Variants in CDK12 observed in about 807,000 individuals in gnomAD.
The protein encoded by CDK12 is cyclin dependent kinase 12.
Under a neutral mutation model 133.8 loss-of-function variants are expected in CDK12, and 17 were observed. The observed-to-expected ratio is 0.13, with a 90% CI of 0.09 to 0.19. CDK12 has a LOEUF of 0.19. Among genes scored for constraint, CDK12 ranks in the 10% least tolerant of loss-of-function variants. The probability of loss-of-function intolerance (pLI) is 1.00; values close to 1 mark genes in which losing one functional copy is unlikely to be tolerated. For synonymous variants in CDK12, 694 were observed against 683.6 expected (o/e 1.02, Z -0.24); for missense variants, 1,508 against 1,818.7 (o/e 0.83, Z 3.11).
At chr17:39,497,663 C>T (rs2052233617) in intron 5 of CDK12, among the ~76,000 whole-genome samples, 1 of 151,346 alleles carries the variant, frequency 6.6e-6, no homozygotes, top group Non-Finnish European at 1.5e-5. Context: ...TGGAGTACAA[C>T]GGTGGTCATA....
At position 39,462,693 on chromosome 17, in the gene CDK12, A is replaced by G. The variant is rs140590436; in HGVS notation, c.622A>G (p.Lys208Glu). 27 of 1,614,238 alleles carry G rather than the reference A, an allele frequency of 1.7e-5. No individual in the cohort carries two copies. Among genetic ancestry groups the G allele is most frequent in the South Asian group, 6.6e-5 (6 of 91,090 alleles). The change falls in exon 1 of 14, where the codon AAA (lysine) becomes GAA (glutamate). Residue 208 changes from lysine to glutamate, a missense_variant. Physicochemically the swap from Lys to Glu is moderately conservative, Grantham distance 56 (BLOSUM62 1). Around this residue, in one of 9 missense-constraint regions of CDK12, gnomAD observed 460 missense variants for 490.8 expected, o/e 0.94. Transcript: ENST00000447079. The stretch of plus-strand genomic sequence containing the variant: ...AAGTCATCGAAAAAGGGAAACACCC[A>G]AAAGTTACAAAACAGTGGACAGCCC... Reference protein sequence around the residue: ...SKSHRKRETPKSYKTVDSPKR... With the variant: ...SKSHRKRETPESYKTVDSPKR...
chr17:39,527,006 A>G (rs1473589302), intron 13 of CDK12, among the ~76,000 whole-genome samples: 2 of 152,220 alleles, frequency 1.3e-5, no homozygotes, highest in South Asian at 2.1e-4. Flanking sequence ...ATAGCGTGCA[A>G]TTTATTAGAG....
chr17:39,504,649 TG>T (rs900598302), intron 6 of CDK12, among the ~76,000 whole-genome samples: 1 of 151,086 alleles, frequency 6.6e-6, no homozygotes, highest in Non-Finnish European at 1.5e-5. Flanking sequence ...GAGGCTGAAG[TG>T]GGCAGGTCAC....
chr17:39,467,490 A>G lies in CDK12; in HGVS notation c.1047-3389A>G, dbSNP rs114548019. ...GTTGTCTACTCCTCCGCTTTTTTCT[A>G]GAAGAGTGAACCTGGAACTTAAATG... On this transcript the variant is annotated intron_variant, in intron 1 of 13. Coordinates refer to ENST00000447079, the MANE Select transcript of CDK12 (RefSeq NM_016507.4). Among the ~76,000 whole-genome samples, 636 of 152,286 alleles carry G rather than the reference A, an allele frequency of 4.2e-3. 7 individuals are homozygous for G. Among genetic ancestry groups the G allele is most frequent in the African/African-American group, 0.014 (585 of 41,564 alleles).
In CDK12 at chr17:39,533,256, G is replaced by A. The variant is rs1386763246; in HGVS notation, c.*1940G>A. 1 of 232,926 alleles carries A rather than the reference G, an allele frequency of 4.3e-6. No homozygotes were observed. Among genetic ancestry groups the A allele is most frequent in the African/African-American group, 2.2e-5 (1 of 45,326 alleles). The allele number at this position is 232,926 out of a possible 1,614,324, so 14.4% of individuals were successfully genotyped here. A position where few individuals can be genotyped will look rare whatever the true frequency, so the allele number is the denominator to read the frequency against. On this transcript the variant is annotated 3_prime_UTR_variant, in exon 14 of 14. Coordinates refer to ENST00000447079, the MANE Select transcript of CDK12 (RefSeq NM_016507.4). ...ACTGATTTAGAAAGAGAGCCTTCTAGCTATTTTGGCATTGATGGCTTTTTA... is the reference window on the plus strand; with the variant it reads ...ACTGATTTAGAAAGAGAGCCTTCTAACTATTTTGGCATTGATGGCTTTTTA...
At chr17:39,491,669 A>G (rs1162588045) in intron 3 of CDK12, among the ~76,000 whole-genome samples, 1 of 147,948 alleles carries the variant, frequency 6.8e-6, no homozygotes, top group African/African-American at 2.5e-5. Context: ...CTGTAGCCCT[A>G]TGTCTTAGCC....
intron 3 of CDK12, among the ~76,000 whole-genome samples, chr17:39,492,033 A>G (rs1404148081): frequency 6.8e-6 from 1 of 148,018 alleles, no homozygotes; most frequent in South Asian, 2.1e-4. Flanking sequence ...AAAAAAAAAG[A>G]TACAGGAGTT....
intron 1 of CDK12, among the ~76,000 whole-genome samples, chr17:39,541,385 T>G (rs1339536351): frequency 8.4e-6 from 1 of 119,706 alleles, no homozygotes; most frequent in African/African-American, 3.2e-5. Flanking sequence ...TTTTTTTTTT[T>G]GAGACAGAGT....
chr17:39,492,644 C>T (rs1206516473), intron 3 of CDK12, 107 bp from the exon 4 acceptor site: 6 of 714,662 alleles, frequency 8.4e-6, no homozygotes, highest in Admixed American at 2.8e-5. Flanking sequence ...CTCCTGACCT[C>T]GTGATCTGCC....
intron 6 of CDK12, among the ~76,000 whole-genome samples, chr17:39,506,814 A>G (rs1191227530): frequency 6.6e-6 from 1 of 152,188 alleles, no homozygotes; most frequent in Non-Finnish European, 1.5e-5. Flanking sequence ...ATATTTCTAT[A>G]TTCACCTTAT....
At chr17:39,494,230 C>T (rs9898750) in intron 4 of CDK12, among the ~76,000 whole-genome samples, 3,901 of 152,076 alleles carry the variant, frequency 0.026, 158 homozygotes, top group African/African-American at 0.087. Flanking sequence ...TCCACCACCA[C>T]GCCCAGCTAA....
At chr17:39,515,680 A>T in intron 8 of CDK12, 51 bp from the exon 9 acceptor site, 2 of 1,278,370 alleles carry the variant, frequency 1.6e-6, no homozygotes, top group Non-Finnish European at 2.3e-6. Flanking sequence ...GAGACACTTT[A>T]AATAGGCTCT....
At chr17:39,535,778 G>A (rs1302295870), downstream of CDK12, among the ~76,000 whole-genome samples, 1 of 152,170 alleles carries the variant, frequency 6.6e-6, no homozygotes, top group African/African-American at 2.4e-5. Flanking sequence ...TCTTGGTGCT[G>A]ATCTTGGGAT....
intron 1 of CDK12, among the ~76,000 whole-genome samples, chr17:39,541,744 G>A (rs1158855215): frequency 5.3e-5 from 8 of 152,202 alleles, no homozygotes; most frequent in Non-Finnish European, 1.2e-4. Flanking sequence ...ATCTATAGGG[G>A]AGTTTCTCTG....
intron 2 of CDK12, among the ~76,000 whole-genome samples, chr17:39,478,659 T>G (rs1025951552): frequency 1.3e-5 from 2 of 152,128 alleles, no homozygotes; most frequent in African/African-American, 2.4e-5. Context: ...AGCCAGACCC[T>G]GTTTCTACCA....
At chr17:39,484,511 A>G (rs1184926700) in intron 2 of CDK12, among the ~76,000 whole-genome samples, 1 of 152,166 alleles carries the variant, frequency 6.6e-6, no homozygotes, top group Admixed American at 6.6e-5. Context: ...AATGTTAAGC[A>G]TTGTAGTTTT....
intron 2 of CDK12, among the ~76,000 whole-genome samples, chr17:39,554,804 G>T (rs919082485): frequency 2.0e-5 from 3 of 151,726 alleles, no homozygotes; most frequent in Non-Finnish European, 4.4e-5. Flanking sequence ...GCTTGAGCCC[G>T]GGAGGCAGAG....
intron 9 of CDK12, 96 bp downstream of exon 9, chr17:39,515,904 TTTC>T (rs1398945326): frequency 1.3e-6 from 1 of 760,988 alleles, no homozygotes; most frequent in Non-Finnish European, 2.2e-6. Flanking sequence ...TGAGTTTATG[TTTC>T]TTATGTCCAA....
intron 11 of CDK12, among the ~76,000 whole-genome samples, chr17:39,522,338 C>T (rs34207136): frequency 0.051 from 7,812 of 152,182 alleles, 645 homozygotes; most frequent in African/African-American, 0.18. Flanking sequence ...CTGCCTGCCT[C>T]GGCCTCCGAA....
Sources: gnomAD v4.1 joint callset for allele counts (sites outside exome capture counted in the v4.1 genomes callset) on GRCh38, gnomAD v4.1.1 for gene constraint, gnomAD v4.1.1 regional missense constraint, MANE v1.5 for transcripts, NCBI Gene and HGNC (gene_info 2026-07-23, HGNC 2026-07-21) for gene names.